The following SGCZ variants were observed in gnomAD, a reference collection of about 807,000 sequenced individuals.
The protein encoded by SGCZ is sarcoglycan zeta, also known as zeta-sarcoglycan.
A neutral mutation model predicts 41.3 loss-of-function variants in SGCZ; 40 were observed. The observed-to-expected ratio is 0.97, with a 90% CI of 0.75 to 1.26. The LOEUF (loss-of-function observed/expected upper bound fraction) is 1.26. Ranked by LOEUF, SGCZ falls within the 50% of genes most tolerant of loss-of-function variation. The pLI, the probability that SGCZ is intolerant of heterozygous loss-of-function variation, is 0.00. For missense variants in SGCZ, 552 were observed against 369.8 expected (o/e 1.49, Z -4.04); for synonymous variants, 206 against 137.5 (o/e 1.50, Z -3.49).
chr8:14,736,912 G>C (rs1799052198), intron 1 of SGCZ, among the ~76,000 whole-genome samples: 2 of 151,840 alleles, frequency 1.3e-5, no homozygotes, highest in Admixed American at 6.6e-5. Flanking sequence ...ATACAAAAAA[G>C]ATACTTGCAC....
chr8:14,666,812 T>C lies in SGCZ; in HGVS notation c.40-111886A>G, dbSNP rs377265364. Among the ~76,000 whole-genome samples, 224 of 152,226 alleles carry C rather than the reference T, an allele frequency of 1.5e-3. 9 individuals carry two copies. The South Asian group carries it at 0.045, about 31-fold the overall frequency. On this transcript the variant is annotated intron_variant, in intron 1 of 7. Coordinates refer to ENST00000382080, the MANE Select transcript of SGCZ (RefSeq NM_139167.4). Reference sequence around the variant, plus strand: ...ATAAATTCTGGAATCACTGTTGATATCTACATGTTTGGGGGAGTGAGGTAG... The same window carrying C: ...ATAAATTCTGGAATCACTGTTGATACCTACATGTTTGGGGGAGTGAGGTAG...
At chr8:14,798,919 T>C (rs1209565897) in intron 1 of SGCZ, among the ~76,000 whole-genome samples, 1 of 151,864 alleles carries the variant, frequency 6.6e-6, no homozygotes, top group Non-Finnish European at 1.5e-5. Flanking sequence ...AAAAAATCTT[T>C]TTACTAGAGA....
intron 1 of SGCZ, among the ~76,000 whole-genome samples, chr8:14,661,395 AT>A (rs1336301404): frequency 2.0e-5 from 3 of 152,174 alleles, no homozygotes; most frequent in African/African-American, 4.8e-5. Flanking sequence ...AGAGTTGTGT[AT>A]TTTTATTATG....
intron 2 of SGCZ, among the ~76,000 whole-genome samples, chr8:14,543,811 T>C (rs772942322): frequency 3.5e-4 from 54 of 152,180 alleles, no homozygotes; most frequent in Non-Finnish European, 7.2e-4. Flanking sequence ...CATAGTAATA[T>C]AGCATTTTCG....
chr8:14,903,089 G>A (rs1799021137), intron 1 of SGCZ, among the ~76,000 whole-genome samples: 1 of 152,068 alleles, frequency 6.6e-6, no homozygotes. Flanking sequence ...AGTTAACGAG[G>A]CAGAGGGTTC....
intron 1 of SGCZ, among the ~76,000 whole-genome samples, chr8:15,100,164 T>C (rs1453990779): frequency 2.6e-5 from 4 of 152,154 alleles, no homozygotes; most frequent in Non-Finnish European, 4.4e-5. Flanking sequence ...AATAAGACCC[T>C]TGAATTTTCG....
chr8:14,356,738 T>C (rs1803309777), intron 2 of SGCZ, among the ~76,000 whole-genome samples: 2 of 152,118 alleles, frequency 1.3e-5, no homozygotes, highest in African/African-American at 4.8e-5. Flanking sequence ...ATTTTTAATA[T>C]TGTCTTTTCA....
chr8:15,027,049 A>G (rs146139876), intron 1 of SGCZ, among the ~76,000 whole-genome samples: 70 of 152,308 alleles, frequency 4.6e-4, no homozygotes, highest in Non-Finnish European at 6.3e-4. Context: ...TCGTACCTGA[A>G]ATGAAGTCTC....
intron 1 of SGCZ, among the ~76,000 whole-genome samples, chr8:15,116,900 G>A (rs574781269): frequency 1.2e-4 from 18 of 152,288 alleles, no homozygotes; most frequent in Non-Finnish European, 2.2e-4. Flanking sequence ...TCACAGATAC[G>A]TATTTTAGGG....
chr8:14,684,119 T>C (rs1808532068), intron 1 of SGCZ, among the ~76,000 whole-genome samples: 1 of 152,192 alleles, frequency 6.6e-6, no homozygotes, highest in African/African-American at 2.4e-5. Flanking sequence ...AGTGATTACA[T>C]CAATTAAATT....
chr8:15,114,604 A>T (rs1009275996), intron 1 of SGCZ, among the ~76,000 whole-genome samples: 3 of 152,152 alleles, frequency 2.0e-5, no homozygotes, highest in Admixed American at 6.5e-5. Context: ...AGCTGTGCTT[A>T]TTGTTAGAAG....
intron 1 of SGCZ, among the ~76,000 whole-genome samples, chr8:14,575,821 G>A (rs538196760): frequency 6.0e-5 from 9 of 148,978 alleles, no homozygotes; most frequent in East Asian, 2.0e-4. Context: ...CAGGAGAATC[G>A]CTTGAACCCA....
At chr8:15,076,496 T>A (rs1220411376) in intron 1 of SGCZ, among the ~76,000 whole-genome samples, 1 of 152,166 alleles carries the variant, frequency 6.6e-6, no homozygotes, top group Non-Finnish European at 1.5e-5. Flanking sequence ...ACTTTTCTTG[T>A]GTAATTTCAA....
chr8:14,229,919 T>TA (rs1231467538), intron 4 of SGCZ, among the ~76,000 whole-genome samples: 1 of 152,150 alleles, frequency 6.6e-6, no homozygotes, highest in African/African-American at 2.4e-5. Flanking sequence ...CGATTGGACT[T>TA]AAACTGTTTT....
intron 1 of SGCZ, among the ~76,000 whole-genome samples, chr8:15,144,167 G>A (rs2117003496): frequency 6.6e-6 from 1 of 152,320 alleles, no homozygotes; most frequent in African/African-American, 2.4e-5. Flanking sequence ...TGAAGTTGGT[G>A]TAATAAAAGG....
intron 2 of SGCZ, among the ~76,000 whole-genome samples, chr8:14,440,829 A>T (rs1442882187): frequency 1.3e-5 from 2 of 148,700 alleles, no homozygotes; most frequent in Non-Finnish European, 3.0e-5. Flanking sequence ...GCATATATAC[A>T]TACATATATG....
intron 4 of SGCZ, among the ~76,000 whole-genome samples, chr8:14,191,932 G>C (rs1344004573): frequency 6.6e-6 from 1 of 151,880 alleles, no homozygotes; most frequent in Non-Finnish European, 1.5e-5. Flanking sequence ...GTAAAATACT[G>C]ATCCTTTTAC....
At chr8:14,521,670 AC>A (rs1401127527) in intron 2 of SGCZ, among the ~76,000 whole-genome samples, 1 of 152,144 alleles carries the variant, frequency 6.6e-6, no homozygotes, top group Admixed American at 6.6e-5. Flanking sequence ...ATGTAGAATA[AC>A]TGAGTCATGT....
chr8:14,971,712 C>T (rs549540687), intron 1 of SGCZ, among the ~76,000 whole-genome samples: 3 of 148,134 alleles, frequency 2.0e-5, no homozygotes, highest in East Asian at 4.0e-4. Flanking sequence ...CACAGTGGCA[C>T]GACCTAGGCT....
Sources: allele counts gnomAD v4.1 joint callset (sites outside exome capture counted in the v4.1 genomes callset), GRCh38; gene constraint gnomAD v4.1.1; transcripts MANE v1.5; gene names NCBI Gene and HGNC (gene_info 2026-07-23, HGNC 2026-07-21).